Variants in FOXP2 observed in about 807,000 individuals in gnomAD.
FOXP2 encodes the protein forkhead box P2.
FOXP2 carries 12 observed loss-of-function variants against 115.8 expected under a neutral mutation model. The observed-to-expected ratio is 0.10, with a 90% CI of 0.07 to 0.17. The LOEUF (loss-of-function observed/expected upper bound fraction) is 0.17, where lower values mean the gene tolerates loss of function less well. Ranked by LOEUF, FOXP2 falls within the 10% of genes least tolerant of loss-of-function variation. The pLI is 1.00. For synonymous variants in FOXP2, 328 were observed against 297.7 expected (o/e 1.10, Z -1.05); for missense variants, 629 against 843.5 (o/e 0.75, Z 3.15).
At chr7:114,618,360 C>T (rs186967053) in intron 3 of FOXP2, among the ~76,000 whole-genome samples, 240 of 152,204 alleles carry the variant, frequency 1.6e-3, no homozygotes, top group Non-Finnish European at 2.4e-4. Flanking sequence ...CTAGTACAGA[C>T]TAAATCAGAA....
intron 2 of FOXP2, among the ~76,000 whole-genome samples, chr7:114,304,838 G>A (rs1584622380): frequency 6.6e-6 from 1 of 151,916 alleles, no homozygotes; most frequent in East Asian, 1.9e-4. Context: ...CACAAAAATG[G>A]TTTGAAATGT....
intron 1 of FOXP2, among the ~76,000 whole-genome samples, chr7:114,181,414 G>C (rs1283522164): frequency 1.3e-5 from 2 of 151,742 alleles, no homozygotes; most frequent in Non-Finnish European, 2.9e-5. Flanking sequence ...TGCCCTCCAT[G>C]TCTCTTTGCA....
At chr7:114,379,375 T>A (rs1792223261) in intron 2 of FOXP2, among the ~76,000 whole-genome samples, 1 of 152,156 alleles carries the variant, frequency 6.6e-6, no homozygotes, top group Non-Finnish European at 1.5e-5. Flanking sequence ...GCTTAGGGAT[T>A]CTTAGTCAGC....
At chr7:114,643,364 G>C (rs894175391) in intron 7 of FOXP2, among the ~76,000 whole-genome samples, 3 of 152,038 alleles carry the variant, frequency 2.0e-5, no homozygotes, top group African/African-American at 7.2e-5. Flanking sequence ...TTAGAAATCA[G>C]AGAACAGATA....
At chr7:114,288,845 G>A (rs1435872916) in intron 2 of FOXP2, among the ~76,000 whole-genome samples, 3 of 151,650 alleles carry the variant, frequency 2.0e-5, no homozygotes, top group South Asian at 2.1e-4. Context: ...GCAATTTTAG[G>A]CAGAGTTTGT....
chr7:114,467,495 C>A (rs1202926374), intron 2 of FOXP2, among the ~76,000 whole-genome samples: 1 of 152,032 alleles, frequency 6.6e-6, no homozygotes, highest in Non-Finnish European at 1.5e-5. Context: ...CCTGAATGAG[C>A]CAAACAAAGT....
chr7:114,595,616 C>T (rs1029085835), intron 3 of FOXP2, among the ~76,000 whole-genome samples: 2 of 151,902 alleles, frequency 1.3e-5, no homozygotes, highest in Non-Finnish European at 2.9e-5. Flanking sequence ...AGGATTTTAT[C>T]GTTTTATTCA....
At chr7:114,208,395 T>G (rs1794254457) in intron 1 of FOXP2, among the ~76,000 whole-genome samples, 1 of 152,148 alleles carries the variant, frequency 6.6e-6, no homozygotes, top group Non-Finnish European at 1.5e-5. Flanking sequence ...ATCTGGGAAG[T>G]AACTAACTTG....
intron 1 of FOXP2, among the ~76,000 whole-genome samples, chr7:114,143,548 A>G (rs1183551297): frequency 6.6e-6 from 1 of 152,076 alleles, no homozygotes; most frequent in Non-Finnish European, 1.5e-5. Flanking sequence ...TTTCTCTGCT[A>G]ATTGTAATTA....
chr7:114,458,078 C>A (rs944916643), intron 2 of FOXP2, among the ~76,000 whole-genome samples: 4 of 152,016 alleles, frequency 2.6e-5, no homozygotes, highest in Admixed American at 2.6e-4. Context: ...GAAAATAAAT[C>A]CAGAACAAAA....
chr7:114,365,711 C>T (rs370574668), intron 2 of FOXP2, among the ~76,000 whole-genome samples: 20 of 152,042 alleles, frequency 1.3e-4, no homozygotes, highest in African/African-American at 4.1e-4. Flanking sequence ...TAAACTGTGG[C>T]GCAGTACGAT....
intron 3 of FOXP2, among the ~76,000 whole-genome samples, chr7:114,592,331 G>A (rs757852073): frequency 6.6e-6 from 1 of 151,796 alleles, no homozygotes; most frequent in Non-Finnish European, 1.5e-5. Context: ...TATGCTATTA[G>A]GTCACTAGAG....
At position 114,187,942 on chromosome 7, in the gene FOXP2, C is replaced by T. The variant is rs569046953; in HGVS notation, c.-102+24854C>T. 2.6e-5 allele frequency among the ~76,000 whole-genome samples: 4 copies of T among 152,242 alleles called. No homozygotes were observed. The South Asian group carries it at 8.3e-4, about 32-fold the overall frequency. Reference sequence around the variant, plus strand: ...CTCACCCTTTTTTAATAGTATCAGTCCCACCCATGAAAGCAGAGCCCTCAT... The same window carrying T: ...CTCACCCTTTTTTAATAGTATCAGTTCCACCCATGAAAGCAGAGCCCTCAT... On this transcript the variant is annotated intron_variant, in intron 1 of 17. Coordinates refer to the FOXP2 transcript ENST00000634411.
intron 2 of FOXP2, among the ~76,000 whole-genome samples, chr7:114,330,352 G>T (rs1797671762): frequency 6.6e-6 from 1 of 151,788 alleles, no homozygotes; most frequent in Non-Finnish European, 1.5e-5. Flanking sequence ...ATTACGTGAG[G>T]CTGGGTACGG....
chr7:114,237,139 G>A (rs1250460302), intron 1 of FOXP2, among the ~76,000 whole-genome samples: 1 of 152,022 alleles, frequency 6.6e-6, no homozygotes, highest in Non-Finnish European at 1.5e-5. Context: ...AGACAATAAG[G>A]ATACAAATAT....
chr7:114,430,044 T>TGGAC (rs1318890158), intron 2 of FOXP2, among the ~76,000 whole-genome samples: 2 of 151,732 alleles, frequency 1.3e-5, no homozygotes, highest in Non-Finnish European at 1.5e-5. Flanking sequence ...TAAGTCCAGC[T>TGGAC]GGTCTCATTC....
intron 7 of FOXP2, among the ~76,000 whole-genome samples, 190 bp downstream of exon 7, chr7:114,642,813 T>TATATATATATATATA (rs1491281422): frequency 6.8e-5 from 4 of 58,480 alleles, no homozygotes; most frequent in East Asian, 3.8e-4. Context: ...TATATATATA[T>TATATATATATATATA]TTTTTTTTTT....
At chr7:114,385,424 C>G (rs1220139981) in intron 2 of FOXP2, among the ~76,000 whole-genome samples, 1 of 152,200 alleles carries the variant, frequency 6.6e-6, no homozygotes, top group East Asian at 1.9e-4. Flanking sequence ...ACATGGGCAA[C>G]TGCTGAGTAG....
intron 2 of FOXP2, among the ~76,000 whole-genome samples, chr7:114,389,537 C>G (rs1792535400): frequency 6.6e-6 from 1 of 152,098 alleles, no homozygotes; most frequent in Non-Finnish European, 1.5e-5. Context: ...TACATGAAAA[C>G]ATAGGACTTT....
Sources: allele counts gnomAD v4.1 joint callset (sites outside exome capture counted in the v4.1 genomes callset), GRCh38; gene constraint gnomAD v4.1.1; transcripts MANE v1.5; gene names NCBI Gene and HGNC (gene_info 2026-07-23, HGNC 2026-07-21).